The following PCOLCE2 variants were observed in gnomAD, a reference collection of about 807,000 sequenced individuals.
PCOLCE2 encodes procollagen C-proteinase enhancer 2.
A neutral mutation model predicts 47.0 loss-of-function variants in PCOLCE2; 42 were observed. That is an observed-to-expected ratio of 0.89 (90% CI 0.70 to 1.16). The LOEUF is 1.16. Among genes scored for constraint, PCOLCE2 ranks in the 50% most tolerant of loss-of-function variants. The pLI, the probability that PCOLCE2 is intolerant of heterozygous loss-of-function variation, is 0.00. For synonymous variants in PCOLCE2, 169 were observed against 191.7 expected (o/e 0.88, Z 0.98); for missense variants, 500 against 526.1 (o/e 0.95, Z 0.49).
chr3:142,828,462 A>C (rs755026785), intron 6 of PCOLCE2, among the ~76,000 whole-genome samples: 13 of 152,220 alleles, frequency 8.5e-5, no homozygotes, highest in Non-Finnish European at 1.9e-4. Flanking sequence ...GCTGTAGACT[A>C]TAAATTTAAT....
chr3:142,888,844 G>A lies in PCOLCE2; in HGVS notation c.53C>T (p.Thr18Ile). Residue 18 changes from threonine (T) to isoleucine (I), a missense_variant, in exon 1 of 9, where the codon ACC (threonine) becomes ATC (isoleucine). Thr to Ile is a moderately conservative substitution (Grantham distance 89). Transcript: ENST00000295992. Reference sequence around the variant, plus strand: ...TGGGGACTGCTGCCGCGAGAGCTGGGTGGCGGCAGCCAGCAGCAGGCAGAG... The same window carrying A: ...TGGGGACTGCTGCCGCGAGAGCTGGATGGCGGCAGCCAGCAGCAGGCAGAG... Reference protein sequence around the residue: ...APLCLLLAAATQLSRQQSPER... With the variant: ...APLCLLLAAAIQLSRQQSPER... The A allele has an allele frequency of 1.3e-6, 2 of 1,546,668 alleles. No homozygotes were observed. Among genetic ancestry groups the A allele is most frequent in the Non-Finnish European group, 1.7e-6 (2 of 1,149,182 alleles).
chr3:142,838,089 A>C (rs1244506819), intron 5 of PCOLCE2, among the ~76,000 whole-genome samples: 3 of 151,846 alleles, frequency 2.0e-5, no homozygotes, highest in Non-Finnish European at 4.4e-5. Context: ...CTGATGCTTG[A>C]TCTCATTCTT....
rs556685566 is a variant in PCOLCE2, at chr3:142,873,166, C to T, written c.192+14503G>A. 1.1e-3 allele frequency among the ~76,000 whole-genome samples: 164 copies of T among 151,996 alleles called. No individual in the cohort carries two copies. The South Asian group carries it at 0.011, about 10-fold the overall frequency. Reference sequence around the variant, plus strand: ...CAAGCACTTTGGGAGGCTGAGGCAGCGGGATCACCCTGAGGTCAGGAGTTC... The same window carrying T: ...CAAGCACTTTGGGAGGCTGAGGCAGTGGGATCACCCTGAGGTCAGGAGTTC... On this transcript the variant is annotated intron_variant, in intron 2 of 8. Coordinates refer to ENST00000295992, the MANE Select transcript of PCOLCE2 (RefSeq NM_013363.4).
At chr3:142,856,754 T>C (rs1264725508) in intron 2 of PCOLCE2, among the ~76,000 whole-genome samples, 1 of 152,166 alleles carries the variant, frequency 6.6e-6, no homozygotes, top group Non-Finnish European at 1.5e-5. Flanking sequence ...TGTCTTGCAG[T>C]TTTCCTTTGG....
intron 5 of PCOLCE2, among the ~76,000 whole-genome samples, chr3:142,836,532 G>A (rs1258681211): frequency 2.0e-5 from 3 of 152,134 alleles, no homozygotes; most frequent in South Asian, 2.1e-4. Context: ...ACAACTCAGC[G>A]ATGCTTTCAA....
chr3:142,847,640 G>A (rs946395420), intron 3 of PCOLCE2, among the ~76,000 whole-genome samples: 30 of 152,142 alleles, frequency 2.0e-4, no homozygotes, highest in Non-Finnish European at 1.5e-5. Context: ...GGGCTCAGGT[G>A]ATTCTCCTAC....
Position 142,823,258 on chromosome 3 carries a change from A to C in PCOLCE2, c.949+274T>G, listed in dbSNP as rs557673784. ...GGAAAAAAGTACATAGGTTTTTTGC[A>C]GGAATAGTCAGCCAGAACACACAAT... On this transcript the variant is annotated intron_variant, in intron 7 of 8. Transcript: ENST00000295992. Among the ~76,000 whole-genome samples, 7 of 152,336 alleles carry C rather than the reference A, an allele frequency of 4.6e-5. No individual in the cohort carries two copies. In the South Asian group the frequency reaches 6.2e-4, roughly 14 times the overall value.
chr3:142,871,994 TCTTCTTGGGTGGTTGACCTAAATGAATG>T (rs1933397977), intron 2 of PCOLCE2, among the ~76,000 whole-genome samples: 1 of 152,130 alleles, frequency 6.6e-6, no homozygotes, highest in African/African-American at 2.4e-5. Flanking sequence ...TTCACCCTAC[TCTTCTTGGGTGGTTGACCTAAATGAATG>T]CATCAACAAT....
intron 2 of PCOLCE2, among the ~76,000 whole-genome samples, chr3:142,858,997 T>C (rs968144838): frequency 1.3e-5 from 2 of 151,904 alleles, no homozygotes; most frequent in Non-Finnish European, 2.9e-5. Flanking sequence ...GTAACAGAGA[T>C]AAAAGCTGAG....
At chr3:142,824,351 C>A (rs1937050006) in intron 6 of PCOLCE2, among the ~76,000 whole-genome samples, 1 of 152,038 alleles carries the variant, frequency 6.6e-6, no homozygotes, top group Non-Finnish European at 1.5e-5. Flanking sequence ...CTGCTGACAT[C>A]CCACAGAAAA....
intron 2 of PCOLCE2, among the ~76,000 whole-genome samples, chr3:142,862,246 C>T (rs1933194121): frequency 6.6e-6 from 1 of 152,194 alleles, no homozygotes; most frequent in African/African-American, 2.4e-5. Context: ...ACCTCATCTG[C>T]CCTCCTGCCT....
At chr3:142,845,684 C>T (rs760489136) in intron 3 of PCOLCE2, among the ~76,000 whole-genome samples, 1 of 152,172 alleles carries the variant, frequency 6.6e-6, no homozygotes, top group Non-Finnish European at 1.5e-5. Context: ...TTTAAAAATA[C>T]TGTGACAGGC....
chr3:142,860,965 C>T (rs1933171630), intron 2 of PCOLCE2, among the ~76,000 whole-genome samples: 1 of 152,172 alleles, frequency 6.6e-6, no homozygotes, highest in Non-Finnish European at 1.5e-5. Flanking sequence ...AGGTCATTTT[C>T]CTTGCTTGTT....
In PCOLCE2 at chr3:142,838,755, A is replaced by G. The variant is rs1485613878; in HGVS notation, c.710+15T>C. 1 of 1,609,782 alleles carries G rather than the reference A, an allele frequency of 6.2e-7. No homozygotes were observed. Among genetic ancestry groups the G allele is most frequent in the Admixed American group, 1.7e-5 (1 of 59,868 alleles). Reference sequence around the variant, plus strand: ...AGCCATAAAACTATTAAAGACATAAATAGGTGCTACTTACGCAGGTGGACT... The same window carrying G: ...AGCCATAAAACTATTAAAGACATAAGTAGGTGCTACTTACGCAGGTGGACT... On this transcript the variant is annotated intron_variant, in intron 5 of 8. Transcript: ENST00000295992.
chr3:142,828,102 C>A (rs1360700783), intron 6 of PCOLCE2, among the ~76,000 whole-genome samples: 1 of 152,204 alleles, frequency 6.6e-6, no homozygotes, highest in African/African-American at 2.4e-5. Context: ...AATTCATTCA[C>A]CTGACAGTGG....
At chr3:142,840,976 G>A (rs1447673859) in intron 4 of PCOLCE2, among the ~76,000 whole-genome samples, 1 of 151,658 alleles carries the variant, frequency 6.6e-6, no homozygotes, top group African/African-American at 2.4e-5. Context: ...TCAGGAGGCT[G>A]AGGCAGGAGA....
Position 142,842,979 on chromosome 3 carries a change from C to T in PCOLCE2, c.518G>A (p.Arg173Gln), listed in dbSNP as rs935044051. 7 of 1,613,768 alleles carry T rather than the reference C, an allele frequency of 4.3e-6. No homozygotes were observed. Among genetic ancestry groups the T allele is most frequent in the African/African-American group, 4.0e-5 (3 of 74,884 alleles). Reference sequence around the variant, plus strand: ...ACAAGTGACTCCTGCAGGGTAATCCCGGTCTGGCCAGTTGGGGGTTTTAAA... The same window carrying T: ...ACAAGTGACTCCTGCAGGGTAATCCTGGTCTGGCCAGTTGGGGGTTTTAAA... ...GSFKTPNWPD[R>Q]DYPAGVTCVW... The change falls in exon 4 of 9, where the codon CGG (arginine) becomes CAG (glutamine). Residue 173 changes from arginine (R) to glutamine (Q), a missense_variant. Physicochemically the swap from Arg to Gln is conservative, Grantham distance 43. Transcript: ENST00000295992. This position sits in a 1 kb window ranked among gnomAD's most constrained non-coding sequence, Gnocchi z 4.1.
At chr3:142,843,425 G>C (rs2108194800) in intron 3 of PCOLCE2, 1 of 381,244 alleles carries the variant, frequency 2.6e-6, no homozygotes, top group East Asian at 7.3e-5. Context: ...AAACACCCAG[G>C]GACAAAATTT....
intron 7 of PCOLCE2, among the ~76,000 whole-genome samples, chr3:142,822,366 T>C (rs909476267): frequency 1.3e-5 from 2 of 152,096 alleles, no homozygotes; most frequent in African/African-American, 4.8e-5. Context: ...TGACTGATGA[T>C]AGTTTTGGTC....
Sources: gnomAD v4.1 joint callset for allele counts (sites outside exome capture counted in the v4.1 genomes callset) on GRCh38, gnomAD v4.1.1 for gene constraint, Gnocchi (gnomAD v3.1) non-coding constraint, MANE v1.5 for transcripts, NCBI Gene and HGNC (gene_info 2026-07-23, HGNC 2026-07-21) for gene names.